RIIAD1: variants seen among roughly 807,000 people sequenced by gnomAD.
RIIAD1 encodes RIIa domain-containing protein 1.
RIIAD1 carries 15 observed loss-of-function variants against 13.3 expected under a neutral mutation model. That is an observed-to-expected ratio of 1.13 (90% CI 0.76 to 1.74). The LOEUF is 1.74. Among genes scored for constraint, RIIAD1 ranks in the 40% most tolerant of loss-of-function variants. The pLI, the probability that RIIAD1 is intolerant of heterozygous loss-of-function variation, is 0.00. For synonymous variants in RIIAD1, 50 were observed against 43.3 expected (o/e 1.16, Z -0.61); for missense variants, 121 against 112.2 (o/e 1.08, Z -0.35).
chr1:151,719,737 A>AAAAAAAC, upstream of RIIAD1: 1 of 657,826 alleles, frequency 1.5e-6, no homozygotes. Flanking sequence ...AGACGCTGTT[A>AAAAAAAC]AAAAAACAAA....
chr1:151,725,273 G>A (rs144002404), intron 2 of RIIAD1, among the ~76,000 whole-genome samples: 168 of 151,718 alleles, frequency 1.1e-3, no homozygotes, highest in African/African-American at 3.9e-3. Flanking sequence ...ACCAGGCCCG[G>A]CTAATTTTTT....
upstream of RIIAD1, chr1:151,721,395 A>G (rs1025675286): frequency 4.8e-6 from 2 of 415,906 alleles, no homozygotes; most frequent in Non-Finnish European, 8.2e-6. Context: ...CCCACCCCCC[A>G]AGCCCCCGCC....
chr1:151,714,753 A>G (rs1402604806), intron 4 of RIIAD1: 10 of 1,035,370 alleles, frequency 9.7e-6, no homozygotes, highest in Non-Finnish European at 1.5e-5. Flanking sequence ...CTCCCTTCCA[A>G]AGACTGACGA....
chr1:151,720,984 A>G (rs1418830859), upstream of RIIAD1, among the ~76,000 whole-genome samples: 3 of 152,234 alleles, frequency 2.0e-5, no homozygotes, highest in Non-Finnish European at 4.4e-5. Context: ...AGAGGGGGAA[A>G]TTCTGGCAGA....
intron 1 of RIIAD1, 163 bp downstream of exon 1, chr1:151,721,783 C>G: frequency 3.9e-6 from 2 of 517,610 alleles, no homozygotes; most frequent in East Asian, 6.2e-5. Context: ...CTCTAGGCGT[C>G]TGATCCCAGC....
At chr1:151,716,437 A>G in intron 4 of RIIAD1, 1 of 285,470 alleles carries the variant, frequency 3.5e-6, no homozygotes, top group Non-Finnish European at 7.0e-6. Context: ...GATGGGGAGG[A>G]GACTGAGGGG....
chr1:151,729,021 G>GT (rs2101519385), intron 4 of RIIAD1, 128 bp downstream of exon 4: 1 of 595,842 alleles, frequency 1.7e-6, no homozygotes, highest in East Asian at 2.8e-5. Context: ...TAAATGTTTA[G>GT]TTTTTCCTCT....
At chr1:151,727,363 A>G (rs1673850454) in intron 2 of RIIAD1, among the ~76,000 whole-genome samples, 1 of 152,176 alleles carries the variant, frequency 6.6e-6, no homozygotes, top group Admixed American at 6.5e-5. Context: ...ATCCTAGTGT[A>G]TTGCCATTTA....
At chr1:151,714,058 T>C (rs1170671545) in intron 3 of RIIAD1, among the ~76,000 whole-genome samples, 1 of 152,050 alleles carries the variant, frequency 6.6e-6, no homozygotes, top group Non-Finnish European at 1.5e-5. Context: ...GGCCCTGCTC[T>C]ACCCTGATGC....
chr1:151,716,301 C>T (rs867846195), intron 4 of RIIAD1: 8 of 415,824 alleles, frequency 1.9e-5, no homozygotes, highest in Middle Eastern at 6.4e-4. Context: ...GCAAATGTCC[C>T]AGGATGGGGG....
upstream of RIIAD1, chr1:151,716,844 C>G (rs1420434303): frequency 2.2e-6 from 1 of 463,592 alleles, no homozygotes; most frequent in Non-Finnish European, 4.5e-6. Flanking sequence ...ACCTCCTTTC[C>G]CCTGACATCA....
At position 151,714,530 on chromosome 1, in the gene RIIAD1, G is replaced by T; in HGVS notation, c.21+1G>T. 1 of 1,189,696 alleles carries T rather than the reference G, an allele frequency of 8.4e-7. No homozygotes were observed. The highest frequency in any genetic ancestry group is 1.2e-6 in the Non-Finnish European group (1 of 816,088). 73.7% of individuals were successfully genotyped at this position (1,189,696 alleles called of 1,614,324 possible). A position where few individuals can be genotyped will look rare whatever the true frequency, so the allele number is the denominator to read the frequency against. On this transcript the variant is annotated splice_donor_variant, in intron 4 of 8. Coordinates refer to the RIIAD1 transcript ENST00000326413. LOFTEE classifies it high-confidence loss of function. ...AATTATGCTCAGTGTCAGGAGGGTG[G>T]TGAGCCTCCTGCCACTTCTATGGCC... is the stretch of plus-strand genomic sequence containing the variant.
At chr1:151,712,441 A>G (rs1018353325) in intron 2 of RIIAD1, among the ~76,000 whole-genome samples, 1 of 151,912 alleles carries the variant, frequency 6.6e-6, no homozygotes, top group Non-Finnish European at 1.5e-5. Flanking sequence ...GTCCCAGACC[A>G]CTCACAGGTT....
Position 151,728,771 on chromosome 1 carries a change from T to A in RIIAD1, c.214T>A (p.Phe72Ile). 6.5e-7 allele frequency: 1 copy of A among 1,532,018 alleles called. No individual in the cohort carries two copies. The highest frequency in any genetic ancestry group is 8.9e-7 in the Non-Finnish European group (1 of 1,129,256). The allele number at this position is 1,532,018 out of a possible 1,614,324, so 94.9% of individuals were successfully genotyped here. ...DNILEFAADY[F>I]TDPRLPNKIH... ...CTTTTTGATTTTTATCCCAGACTAC[T>A]TCACGGATCCAAGACTTCCCAACAA... The change falls in exon 4 of 5, where the codon TTC becomes ATC. Residue 72 changes from phenylalanine to isoleucine, a missense_variant. By Grantham distance (21) the Phe-to-Ile change is conservative. Coordinates refer to ENST00000479191, the MANE Select transcript of RIIAD1 (RefSeq NM_001144956.3).
Position 151,728,814 on chromosome 1 carries a change from T to A in RIIAD1, c.257T>A (p.Ile86Asn). 1 of 1,545,288 alleles carries A rather than the reference T, an allele frequency of 6.5e-7. No individual in the cohort carries two copies. The change falls in exon 4 of 5, where the codon ATT (isoleucine) becomes AAT (asparagine). Residue 86 changes from isoleucine to asparagine, a missense_variant. Ile to Asn is a moderately radical substitution (Grantham distance 149). Transcript: ENST00000479191. ...CCCAACAAGATTCACATGCAGCTAA[T>A]TAAAGACAAGAAAGCGGCTTAATTA... Reference protein sequence around the residue: ...RLPNKIHMQLIKDKKAA With the variant: ...RLPNKIHMQLNKDKKAA
At chr1:151,727,529 G>A (rs149699792) in intron 2 of RIIAD1, 46 bp from the exon 3 acceptor site, 27 of 1,322,906 alleles carry the variant, frequency 2.0e-5, no homozygotes, top group Non-Finnish European at 2.6e-5. Context: ...CACAGCCTGC[G>A]TTAAAGTCTA....
At chr1:151,718,062 C>T (rs1324199239), upstream of RIIAD1, among the ~76,000 whole-genome samples, 2 of 152,118 alleles carry the variant, frequency 1.3e-5, no homozygotes, top group African/African-American at 4.8e-5. Context: ...TCTTCTCCCC[C>T]GGGGTAGGGC....
chr1:151,721,876 A>T (rs1673743678), intron 1 of RIIAD1: 1 of 595,318 alleles, frequency 1.7e-6, no homozygotes, highest in African/African-American at 1.9e-5. Context: ...TTACTGCCAG[A>T]CACATCCGAC....
At chr1:151,716,097 T>C in intron 4 of RIIAD1, 1 of 1,467,184 alleles carries the variant, frequency 6.8e-7, no homozygotes, top group Non-Finnish European at 9.1e-7. Flanking sequence ...AGCAAGGAGA[T>C]AAGTGGTGGG....
Sources: allele counts gnomAD v4.1 joint callset (sites outside exome capture counted in the v4.1 genomes callset), GRCh38; gene constraint gnomAD v4.1.1; transcripts MANE v1.5; gene names NCBI Gene and HGNC (gene_info 2026-07-23, HGNC 2026-07-21).